The following PRKG1 variants were observed in gnomAD, a reference collection of about 807,000 sequenced individuals.
PRKG1 encodes the protein protein kinase cGMP-dependent 1, also known as cGMP-dependent protein kinase 1.
PRKG1 carries 35 observed loss-of-function variants against 88.1 expected under a neutral mutation model. The observed-to-expected ratio is 0.40, with a 90% CI of 0.30 to 0.53. The LOEUF (loss-of-function observed/expected upper bound fraction) is 0.53, where lower values mean the gene tolerates loss of function less well. Ranked by LOEUF, PRKG1 falls within the 20% of genes least tolerant of loss-of-function variation. The pLI is 0.59. For missense variants in PRKG1, 540 were observed against 839.8 expected (o/e 0.64, Z 4.41); for synonymous variants, 303 against 292.5 (o/e 1.04, Z -0.37).
intron 1 of PRKG1, among the ~76,000 whole-genome samples, chr10:51,024,407 T>C (rs1158036989): frequency 2.0e-5 from 3 of 152,206 alleles, no homozygotes; most frequent in Admixed American, 1.3e-4. Context: ...AACATAATGA[T>C]AGTAGTCATG....
chr10:51,133,404 C>CT (rs1199477067), intron 1 of PRKG1, among the ~76,000 whole-genome samples: 2 of 152,178 alleles, frequency 1.3e-5, no homozygotes, highest in African/African-American at 4.8e-5. Flanking sequence ...CACTCCTAGG[C>CT]ACCTAAACCA....
intron 5 of PRKG1, among the ~76,000 whole-genome samples, chr10:51,977,010 G>C (rs1055265633): frequency 3.3e-5 from 5 of 151,816 alleles, no homozygotes; most frequent in Non-Finnish European, 5.9e-5. Flanking sequence ...CACATGTACA[G>C]GTTTGTTAGA....
intron 2 of PRKG1, among the ~76,000 whole-genome samples, chr10:51,298,060 A>C (rs753619553): frequency 1.3e-5 from 2 of 152,144 alleles, no homozygotes; most frequent in Non-Finnish European, 2.9e-5. Flanking sequence ...CTTGTTAAGC[A>C]CTTACTATAT....
intron 9 of PRKG1, among the ~76,000 whole-genome samples, chr10:52,198,688 C>T (rs1839575455): frequency 6.6e-6 from 1 of 152,078 alleles, no homozygotes; most frequent in African/African-American, 2.4e-5. Flanking sequence ...CACACTTCTT[C>T]TGTAGGTTCT....
At chr10:51,864,924 G>C (rs541129155) in intron 4 of PRKG1, among the ~76,000 whole-genome samples, 2 of 151,934 alleles carry the variant, frequency 1.3e-5, no homozygotes, top group Non-Finnish European at 2.9e-5. Context: ...ATTCTTTCTT[G>C]CAGATTATGA....
intron 2 of PRKG1, among the ~76,000 whole-genome samples, chr10:51,221,551 T>TG: frequency 6.6e-6 from 1 of 151,808 alleles, no homozygotes; most frequent in South Asian, 2.1e-4. Flanking sequence ...TCTTTTTACA[T>TG]GGTTCCTTGG....
intron 9 of PRKG1, among the ~76,000 whole-genome samples, chr10:52,223,180 CCATTT>C (rs1207300873): frequency 1.3e-5 from 2 of 152,106 alleles, no homozygotes; most frequent in African/African-American, 4.8e-5. Flanking sequence ...TTCTTTGTTC[CCATTT>C]AAGAAAATTT....
intron 3 of PRKG1, among the ~76,000 whole-genome samples, chr10:51,734,133 A>G (rs572493966): frequency 1.3e-5 from 2 of 152,180 alleles, no homozygotes; most frequent in Admixed American, 1.3e-4. Flanking sequence ...AATTACCAAT[A>G]TTTTCCTTCA....
At chr10:51,369,607 C>G (rs1403613214) in intron 2 of PRKG1, among the ~76,000 whole-genome samples, 2 of 152,086 alleles carry the variant, frequency 1.3e-5, no homozygotes, top group African/African-American at 4.8e-5. Context: ...GGCTGTACAG[C>G]TTCTTGGTTG....
At chr10:52,157,442 A>T (rs1293009651) in intron 8 of PRKG1, among the ~76,000 whole-genome samples, 1 of 150,512 alleles carries the variant, frequency 6.6e-6, no homozygotes, top group Non-Finnish European at 1.5e-5. Context: ...CCTTTCTAAT[A>T]ATTTAAAAGA....
At chr10:51,699,499 G>A in intron 3 of PRKG1, 2 of 1,613,292 alleles carry the variant, frequency 1.2e-6, no homozygotes, top group Non-Finnish European at 1.7e-6. Context: ...CCACGAACAC[G>A]GAACGCAGTG....
chr10:52,005,285 C>A lies in PRKG1; in HGVS notation c.763-49199C>A, dbSNP rs573279662. ...TTTTTTTTTTTTCATTCAGTAGAGA[C>A]GGATTTTTGCTATGTTGGCCAGGCT... On this transcript the variant is annotated intron_variant, in intron 5 of 17. Transcript: ENST00000373980. 5.7e-5 allele frequency among the ~76,000 whole-genome samples: 7 copies of A among 121,934 alleles called. No individual in the cohort carries two copies. The South Asian group carries it at 1.0e-3, about 18-fold the overall frequency. 80.0% of individuals were successfully genotyped at this position (121,934 alleles called of 152,430 possible).
chr10:51,420,035 G>A (rs965073170), intron 2 of PRKG1, among the ~76,000 whole-genome samples: 4 of 152,136 alleles, frequency 2.6e-5, no homozygotes, highest in Non-Finnish European at 4.4e-5. Context: ...ATTCTGGGAT[G>A]TTGGGGGGCA....
At chr10:51,998,345 C>T (rs1844505774) in intron 5 of PRKG1, among the ~76,000 whole-genome samples, 1 of 152,004 alleles carries the variant, frequency 6.6e-6, no homozygotes, top group African/African-American at 2.4e-5. Context: ...CTCCATTCAC[C>T]CATCCAAATG....
At chr10:51,382,102 A>C (rs940901617) in intron 2 of PRKG1, among the ~76,000 whole-genome samples, 1 of 152,156 alleles carries the variant, frequency 6.6e-6, no homozygotes, top group Non-Finnish European at 1.5e-5. Flanking sequence ...TAGATTTCAA[A>C]CATCATTATT....
chr10:51,016,771 C>T (rs1404996495), intron 1 of PRKG1, among the ~76,000 whole-genome samples: 18 of 146,162 alleles, frequency 1.2e-4, no homozygotes, highest in African/African-American at 3.6e-4. Flanking sequence ...CAGGGTCAAG[C>T]GATTCTCCTG....
At chr10:51,364,317 T>C (rs559559827) in intron 2 of PRKG1, among the ~76,000 whole-genome samples, 27 of 151,926 alleles carry the variant, frequency 1.8e-4, no homozygotes, top group Non-Finnish European at 3.1e-4. Context: ...GGAGGAGCCA[T>C]TTGATCACTA....
chr10:51,502,684 C>G (rs147092919), intron 3 of PRKG1, among the ~76,000 whole-genome samples: 1 of 152,148 alleles, frequency 6.6e-6, no homozygotes, highest in Non-Finnish European at 1.5e-5. Context: ...CCCACAGTTA[C>G]TCTGATCATC....
chr10:51,940,720 C>T (rs1344164874), intron 5 of PRKG1, among the ~76,000 whole-genome samples: 1 of 151,828 alleles, frequency 6.6e-6, no homozygotes, highest in Non-Finnish European at 1.5e-5. Context: ...AGCACCACTT[C>T]TCTTCAACTT....
Sources: gnomAD v4.1 joint callset for allele counts (sites outside exome capture counted in the v4.1 genomes callset) on GRCh38, gnomAD v4.1.1 for gene constraint, MANE v1.5 for transcripts, NCBI Gene and HGNC (gene_info 2026-07-23, HGNC 2026-07-21) for gene names.